The following MLLT10 variants were observed in gnomAD, a reference collection of about 807,000 sequenced individuals.
The protein encoded by MLLT10 is MLLT10 histone lysine methyltransferase DOT1L cofactor.
In MLLT10, 30 loss-of-function variants were observed where a neutral mutation model predicts 129.1. The ratio of observed to expected loss-of-function variants is 0.23; its 90% confidence interval spans 0.17 to 0.32. MLLT10 has a LOEUF of 0.32. MLLT10 is among the 10% of genes least tolerant of loss of function. The pLI is 1.00. For missense variants in MLLT10, 1,119 were observed against 1,268.3 expected (o/e 0.88, Z 1.79); for synonymous variants, 490 against 446.4 (o/e 1.10, Z -1.23).
chr10:21,571,534 G>C (rs1407109300), intron 3 of MLLT10, among the ~76,000 whole-genome samples: 1 of 152,204 alleles, frequency 6.6e-6, no homozygotes, highest in East Asian at 1.9e-4. Context: ...AGGGATGACT[G>C]TGTTTTGTTG....
Position 21,586,311 on chromosome 10 carries a change from C to T in MLLT10, c.258C>T (p.Pro86=), listed in dbSNP as rs374122460. The change falls in exon 4 of 23, where the codon CCC becomes CCT. Residue 86 remains proline (P), a synonymous_variant. Coordinates refer to ENST00000307729, the MANE Select transcript of MLLT10 (RefSeq NM_001195626.3). ...RAARVRCELC[P]HKDGALKRTD... ...TTTTATAGAGATGTGAACTTTGTCC[C>T]CATAAGGATGGAGCTTTAAAAAGAA... 6 of 1,579,210 alleles carry T rather than the reference C, an allele frequency of 3.8e-6. No individual in the cohort carries two copies. Among genetic ancestry groups the T allele is most frequent in the Non-Finnish European group, 5.2e-6 (6 of 1,162,530 alleles).
intron 9 of MLLT10, among the ~76,000 whole-genome samples, chr10:21,654,139 A>G (rs1347563135): frequency 6.6e-6 from 1 of 152,214 alleles, no homozygotes; most frequent in Non-Finnish European, 1.5e-5. Context: ...GAACAGTTTT[A>G]AAGTACTGAT....
intron 8 of MLLT10, among the ~76,000 whole-genome samples, chr10:21,619,573 G>A (rs1564519658): frequency 6.6e-6 from 1 of 152,072 alleles, no homozygotes; most frequent in Non-Finnish European, 1.5e-5. Context: ...TAAAAAACAC[G>A]TTTAGTCAAA....
intron 13 of MLLT10, among the ~76,000 whole-genome samples, chr10:21,704,355 C>CTG (rs1204877963): frequency 4.3e-5 from 3 of 70,458 alleles, no homozygotes; most frequent in Non-Finnish European, 5.9e-5. Context: ...CTCTCTCTCT[C>CTG]TCTATATATA....
chr10:21,625,097 A>G, intron 8 of MLLT10: 1 of 891,710 alleles, frequency 1.1e-6, no homozygotes, highest in Non-Finnish European at 1.8e-6. Flanking sequence ...AGTAATCTGG[A>G]GGTTAGCCAT....
chr10:21,568,366 T>A (rs1352452984), intron 3 of MLLT10, among the ~76,000 whole-genome samples: 4 of 152,210 alleles, frequency 2.6e-5, no homozygotes, highest in Non-Finnish European at 5.9e-5. Flanking sequence ...GAAAAGTATG[T>A]CCATTCCATC....
intron 4 of MLLT10, among the ~76,000 whole-genome samples, chr10:21,588,114 T>C (rs1470124595): frequency 1.3e-5 from 2 of 152,204 alleles, no homozygotes; most frequent in Non-Finnish European, 2.9e-5. Flanking sequence ...TTGCCCAGGC[T>C]GGAGTGCAGT....
chr10:21,534,470 A>G lies in MLLT10; in HGVS notation c.-51A>G, dbSNP rs1299166045. On this transcript the variant is annotated 5_prime_UTR_variant, in exon 1 of 23. It removes an upstream start codon present in the reference 5' UTR. Transcript: ENST00000307729. Reference sequence around the variant, plus strand: ...GGAGGTGGGGGGAATCAGCAAGGACATGGCTCCTGACTCCTGTGCGGAACG... The same window carrying G: ...GGAGGTGGGGGGAATCAGCAAGGACGTGGCTCCTGACTCCTGTGCGGAACG... The G allele has an allele frequency of 3.6e-6, 2 of 559,988 alleles. No homozygotes were observed. The highest frequency in any genetic ancestry group is 6.0e-6 in the Non-Finnish European group (2 of 331,760). 34.7% of individuals were successfully genotyped at this position (559,988 alleles called of 1,614,324 possible). A position where few individuals can be genotyped will look rare whatever the true frequency, so the allele number is the denominator to read the frequency against.
intron 5 of MLLT10, among the ~76,000 whole-genome samples, chr10:21,600,137 A>C (rs1010051442): frequency 6.6e-6 from 1 of 152,038 alleles, no homozygotes; most frequent in Non-Finnish European, 1.5e-5. Context: ...TGGACTTTTT[A>C]TGTGTTCCTT....
chr10:21,609,611 C>T (rs1333047137), intron 5 of MLLT10, among the ~76,000 whole-genome samples: 6 of 152,148 alleles, frequency 3.9e-5, no homozygotes, highest in Non-Finnish European at 7.3e-5. Flanking sequence ...CAGGAGGGCC[C>T]TTCTTGCTGT....
At chr10:21,648,451 G>GCAA (rs2048722090) in intron 8 of MLLT10, among the ~76,000 whole-genome samples, 5 of 152,052 alleles carry the variant, frequency 3.3e-5, no homozygotes, top group African/African-American at 1.2e-4. Context: ...AAGTTGTTAG[G>GCAA]GTTTGTTTGT....
chr10:21,551,147 G>A (rs146647570), intron 3 of MLLT10, among the ~76,000 whole-genome samples: 4,207 of 151,566 alleles, frequency 0.028, 197 homozygotes, highest in African/African-American at 0.095. Context: ...GGTTGGTCTC[G>A]AGCTCCTGAC....
intron 3 of MLLT10, among the ~76,000 whole-genome samples, chr10:21,545,034 A>G (rs2035851685): frequency 6.6e-6 from 1 of 152,194 alleles, no homozygotes; most frequent in Non-Finnish European, 1.5e-5. Context: ...AATCCCAGCT[A>G]CTAGGGAGGC....
chr10:21,538,934 C>A, intron 3 of MLLT10, 22 bp downstream of exon 3: 2 of 1,577,626 alleles, frequency 1.3e-6, no homozygotes, highest in Non-Finnish European at 1.7e-6. Flanking sequence ...TTATCAAAAA[C>A]ATTAAACTTT....
chr10:21,584,739 GTATA>G lies in MLLT10; in HGVS notation c.241-1550_241-1547del, dbSNP rs754384253. Among the ~76,000 whole-genome samples the G allele has an allele frequency of 1.2e-3, 182 of 151,512 alleles. 2 individuals carry two copies. Among genetic ancestry groups the G allele is most frequent in the African/African-American group, 4.2e-3 (175 of 41,332 alleles). On this transcript the variant is annotated intron_variant, in intron 3 of 22. Coordinates refer to ENST00000307729, the MANE Select transcript of MLLT10 (RefSeq NM_001195626.3). Reference sequence around the variant, plus strand: ...GTATATATATTTATATGTAGGGTGTGTATATATAGTGTGTGTATATATATATAAA... The same window carrying G: ...GTATATATATTTATATGTAGGGTGTGTATAGTGTGTGTATATATATATAAA...
intron 9 of MLLT10, among the ~76,000 whole-genome samples, chr10:21,666,061 C>T (rs1252857509): frequency 6.6e-6 from 1 of 152,030 alleles, no homozygotes; most frequent in Non-Finnish European, 1.5e-5. Flanking sequence ...CATCATTTCT[C>T]TTCCCTTCTC....
intron 11 of MLLT10, among the ~76,000 whole-genome samples, chr10:21,680,708 A>T (rs1350886434): frequency 1.3e-5 from 2 of 152,094 alleles, no homozygotes; most frequent in Admixed American, 6.6e-5. Flanking sequence ...GTGGTGGCTC[A>T]CGTCGGTAAT....
intron 8 of MLLT10, among the ~76,000 whole-genome samples, chr10:21,620,767 T>G (rs564661270): frequency 2.0e-5 from 3 of 152,144 alleles, no homozygotes; most frequent in Non-Finnish European, 4.4e-5. Flanking sequence ...CTTGGCTCCC[T>G]GCAACCTCCG....
chr10:21,620,719 T>C (rs1426385885), intron 8 of MLLT10, among the ~76,000 whole-genome samples: 5 of 152,140 alleles, frequency 3.3e-5, no homozygotes, highest in Admixed American at 2.0e-4. Context: ...AGGCGGAGTC[T>C]TGCTGTTGTC....
Sources: allele counts gnomAD v4.1 joint callset (sites outside exome capture counted in the v4.1 genomes callset), GRCh38; gene constraint gnomAD v4.1.1; transcripts MANE v1.5; gene names NCBI Gene and HGNC (gene_info 2026-07-23, HGNC 2026-07-21).